ADAMTSL1: variants seen among roughly 807,000 people sequenced by gnomAD.
ADAMTSL1 encodes the protein ADAMTS like 1.
A neutral mutation model predicts 201.8 loss-of-function variants in ADAMTSL1; 126 were observed. The observed-to-expected ratio is 0.62, with a 90% CI of 0.54 to 0.72. ADAMTSL1 has a LOEUF of 0.72. Ranked by LOEUF, ADAMTSL1 falls within the 30% of genes least tolerant of loss-of-function variation. The pLI, the probability that ADAMTSL1 is intolerant of heterozygous loss-of-function variation, is 0.00. For missense variants in ADAMTSL1, 2,679 were observed against 2,277.8 expected, an observed-to-expected ratio of 1.18 and a Z score of -3.59; for synonymous variants, 1,121 against 903.4, an observed-to-expected ratio of 1.24 and a Z score of -4.32.
chr9:18,570,264 A>G lies in ADAMTSL1; in HGVS notation c.238-3766A>G, dbSNP rs544481150. 1.1e-4 allele frequency among the ~76,000 whole-genome samples: 16 copies of G among 152,082 alleles called. No individual in the cohort carries two copies. In the South Asian group the frequency reaches 2.9e-3, roughly 28 times the overall value. On this transcript the variant is annotated intron_variant, in intron 3 of 28. Transcript: ENST00000380548. ...GACCAAAAAAACCCACAAAAGGATC[A>G]GGAAGTATAATGGTTTCATGGACCA...
At chr9:18,827,825 C>T (rs1349050610) in intron 22 of ADAMTSL1, among the ~76,000 whole-genome samples, 1 of 152,178 alleles carries the variant, frequency 6.6e-6, no homozygotes, top group Non-Finnish European at 1.5e-5. Context: ...TCCCCATTTT[C>T]ATCAAACTTA....
intron 17 of ADAMTSL1, among the ~76,000 whole-genome samples, chr9:18,773,576 G>T (rs1820814820): frequency 6.6e-6 from 1 of 152,176 alleles, no homozygotes; most frequent in African/African-American, 2.4e-5. Flanking sequence ...AGTTTGAGTA[G>T]GGGTCTCAGA....
chr9:18,329,647 A>G (rs1352642112), intron 2 of ADAMTSL1, among the ~76,000 whole-genome samples: 1 of 152,212 alleles, frequency 6.6e-6, no homozygotes, highest in Non-Finnish European at 1.5e-5. Context: ...TATCAGCCAC[A>G]CTAACCTTGT....
chr9:18,756,866 G>C (rs551577018), intron 16 of ADAMTSL1, among the ~76,000 whole-genome samples: 1 of 152,180 alleles, frequency 6.6e-6, no homozygotes, highest in African/African-American at 2.4e-5. Context: ...TTTCTGGGGG[G>C]AAGAAAACAT....
rs536741709 is a variant in ADAMTSL1, at chr9:18,600,117, G to A, written c.475-22126G>A. Among the ~76,000 whole-genome samples the A allele has an allele frequency of 7.2e-5, 11 of 152,090 alleles. No individual in the cohort carries two copies. In the East Asian group the frequency reaches 2.1e-3, roughly 29 times the overall value. ...CCTTGAGATGCTGCATACTCTTTGG[G>A]GCCTCTTTCACTCACTGCACAGCCT... On this transcript the variant is annotated intron_variant, in intron 4 of 28. Transcript: ENST00000380548.
At chr9:18,835,487 C>A (rs1250093793) in intron 23 of ADAMTSL1, among the ~76,000 whole-genome samples, 1 of 152,070 alleles carries the variant, frequency 6.6e-6, no homozygotes, top group African/African-American at 2.4e-5. Context: ...TCAACTTACC[C>A]TTTTCTTAAT....
In ADAMTSL1 at chr9:18,839,233, T is replaced by TCC. The variant is rs1825552029; in HGVS notation, c.4249+9256_4249+9257insCC. On this transcript the variant is annotated intron_variant, in intron 23 of 28. Transcript: ENST00000380548. ...AGAGTGTAATGTTCCCCTTCCTGTG[T>TCC]ACATGTGTTCTCATTGTTCAATTCC... 3.0e-5 allele frequency among the ~76,000 whole-genome samples: 4 copies of TCC among 134,396 alleles called. No individual in the cohort carries two copies. In the South Asian group the frequency reaches 1.0e-3, roughly 34 times the overall value. The allele number at this position is 134,396 out of a possible 152,430, so 88.2% of individuals were successfully genotyped here.
chr9:18,036,113 G>A (rs1438740015), intron 1 of ADAMTSL1, among the ~76,000 whole-genome samples: 2 of 152,122 alleles, frequency 1.3e-5, no homozygotes, highest in Non-Finnish European at 2.9e-5. Context: ...TGAGACTTGA[G>A]GATGGTTAGG....
chr9:18,881,711 A>G (rs1184548170), intron 23 of ADAMTSL1, among the ~76,000 whole-genome samples: 1 of 152,196 alleles, frequency 6.6e-6, no homozygotes, highest in Admixed American at 6.5e-5. Flanking sequence ...ACAAACCTTC[A>G]ATTTGTAACA....
intron 1 of ADAMTSL1, among the ~76,000 whole-genome samples, chr9:18,036,831 TCC>T (rs765826894): frequency 6.6e-6 from 1 of 152,188 alleles, no homozygotes; most frequent in East Asian, 1.9e-4. Flanking sequence ...CTTAATACTC[TCC>T]CTTTCATCAT....
intron 2 of ADAMTSL1, among the ~76,000 whole-genome samples, chr9:18,429,641 C>T (rs181286344): frequency 3.3e-5 from 5 of 152,066 alleles, no homozygotes; most frequent in Admixed American, 6.6e-5. Context: ...ATTCATTAGG[C>T]CTAAATAATG....
At position 18,474,246 on chromosome 9, in the gene ADAMTSL1, G is replaced by T. The variant is rs1283024208; in HGVS notation, c.14G>T (p.Arg5Leu). 1.2e-6 allele frequency: 2 copies of T among 1,614,120 alleles called. No homozygotes were observed. Among genetic ancestry groups the T allele is most frequent in the South Asian group, 1.1e-5 (1 of 91,084 alleles). Residue 5 changes from arginine to leucine, a missense_variant, in exon 1 of 29, where the codon CGT becomes CTT. Physicochemically the swap from Arg to Leu is moderately radical, Grantham distance 102. Coordinates refer to ENST00000380548, the MANE Select transcript of ADAMTSL1 (RefSeq NM_001040272.6). ...AAGGATCCAAGCATGGAATGCTGCC[G>T]TCGGGCAACTCCTGGCACACTGCTC... MECC[R>L]RATPGTLLLF...
intron 2 of ADAMTSL1, among the ~76,000 whole-genome samples, chr9:18,169,491 G>A (rs191723706): frequency 6.6e-6 from 1 of 152,184 alleles, no homozygotes; most frequent in African/African-American, 2.4e-5. Flanking sequence ...CTATATCTCT[G>A]TTTTGGTACC....
intron 1 of ADAMTSL1, among the ~76,000 whole-genome samples, chr9:17,959,443 AT>A (rs1418741001): frequency 6.6e-6 from 1 of 151,922 alleles, no homozygotes; most frequent in Non-Finnish European, 1.5e-5. Context: ...TTTTAATCTG[AT>A]TTTTTTATTT....
intron 1 of ADAMTSL1, among the ~76,000 whole-genome samples, chr9:18,136,513 G>A (rs1826164093): frequency 6.6e-6 from 1 of 152,082 alleles, no homozygotes; most frequent in Admixed American, 6.6e-5. Context: ...GAATGCAAGG[G>A]TGAAGTGCTT....
chr9:18,732,427 G>A (rs988381301), intron 15 of ADAMTSL1, among the ~76,000 whole-genome samples: 1 of 152,140 alleles, frequency 6.6e-6, no homozygotes, highest in East Asian at 1.9e-4. Flanking sequence ...AATCCAATAA[G>A]GTGTGTTTTG....
At chr9:18,717,869 T>C (rs1375534261) in intron 14 of ADAMTSL1, 2 of 798,128 alleles carry the variant, frequency 2.5e-6, no homozygotes, top group Non-Finnish European at 4.5e-6. Flanking sequence ...CACAGGAAAG[T>C]CCATTTAAGA....
intron 2 of ADAMTSL1, among the ~76,000 whole-genome samples, chr9:18,274,074 T>C (rs971931815): frequency 2.6e-5 from 4 of 152,220 alleles, no homozygotes; most frequent in African/African-American, 9.6e-5. Context: ...AATGAAGCTA[T>C]GGAAGAGAAA....
chr9:18,005,473 C>G (rs1268624581), intron 1 of ADAMTSL1, among the ~76,000 whole-genome samples: 1 of 152,076 alleles, frequency 6.6e-6, no homozygotes, highest in African/African-American at 2.4e-5. Context: ...AGTAGCTTGA[C>G]CAAAGACACA....
Sources: gnomAD v4.1 joint callset for allele counts (sites outside exome capture counted in the v4.1 genomes callset) on GRCh38, gnomAD v4.1.1 for gene constraint, MANE v1.5 for transcripts, NCBI Gene and HGNC (gene_info 2026-07-23, HGNC 2026-07-21) for gene names.